Variants in SWT1 observed in about 807,000 individuals in gnomAD.
SWT1 encodes transcriptional protein SWT1.
SWT1 carries 33 observed loss-of-function variants against 107.3 expected under a neutral mutation model. The ratio of observed to expected loss-of-function variants is 0.31; its 90% CI spans 0.23 to 0.41. The LOEUF (loss-of-function observed/expected upper bound fraction) is 0.41, where lower values mean the gene tolerates loss of function less well. SWT1 is among the 10% of genes least tolerant of loss of function. SWT1 has a pLI of 1.00. For missense variants in SWT1, 898 were observed against 1,028.9 expected, an observed-to-expected ratio of 0.87 and a Z score of 1.74; for synonymous variants, 345 against 348.3, an observed-to-expected ratio of 0.99 and a Z score of 0.11.
intron 16 of SWT1, among the ~76,000 whole-genome samples, chr1:185,234,058 G>A (rs1280354587): frequency 6.6e-6 from 1 of 152,120 alleles, no homozygotes; most frequent in Non-Finnish European, 1.5e-5. Flanking sequence ...TTTAAAATAA[G>A]GGCAGTGTGG....
chr1:185,237,360 A>G (rs1405809140), intron 16 of SWT1, among the ~76,000 whole-genome samples: 1 of 152,234 alleles, frequency 6.6e-6, no homozygotes, highest in Non-Finnish European at 1.5e-5. Flanking sequence ...ACCATGGAAT[A>G]CTATACAGCC....
At chr1:185,259,282 A>C (rs576966377) in intron 16 of SWT1, among the ~76,000 whole-genome samples, 2 of 152,164 alleles carry the variant, frequency 1.3e-5, no homozygotes, top group Non-Finnish European at 2.9e-5. Context: ...GGAAAGAACT[A>C]TTTTGCTTTT....
At chr1:185,168,766 G>A (rs903918793) in intron 4 of SWT1, among the ~76,000 whole-genome samples, 1 of 152,154 alleles carries the variant, frequency 6.6e-6, no homozygotes, top group African/African-American at 2.4e-5. Context: ...CGTGAAGAGA[G>A]TATGTATCTT....
rs1422197407 is a variant in SWT1 at position 185,206,754 on chromosome 1, C to G, written c.1963C>G (p.Leu655Val). The G allele has an allele frequency of 6.3e-7, 1 of 1,595,570 alleles. No individual in the cohort carries two copies. Among genetic ancestry groups the G allele is most frequent in the Non-Finnish European group, 8.5e-7 (1 of 1,172,218 alleles). ...LLTIESLYKN[L>V]RKANKAVDFT... ...AACTATTGAGAGCCTATACAAAAAT[C>G]TCCGTAAAGGTATGAATCTTTTATT... The change falls in exon 13 of 19, where the codon CTC becomes GTC. Residue 655 changes from leucine (L) to valine (V), a missense_variant. Transcript: ENST00000367500.
chr1:185,272,904 C>T (rs1663976005), intron 17 of SWT1, among the ~76,000 whole-genome samples: 1 of 151,846 alleles, frequency 6.6e-6, no homozygotes, highest in Admixed American at 6.6e-5. Context: ...GGCATGGTGG[C>T]ATGCACCTGT....
chr1:185,171,085 A>G (rs979993089), intron 4 of SWT1, among the ~76,000 whole-genome samples: 1 of 152,020 alleles, frequency 6.6e-6, no homozygotes, highest in Non-Finnish European at 1.5e-5. Context: ...TACCTGCCCA[A>G]TGGTTGTCAG....
At chr1:185,182,474 C>T (rs562851231) in intron 7 of SWT1, among the ~76,000 whole-genome samples, 39 of 151,858 alleles carry the variant, frequency 2.6e-4, no homozygotes, top group African/African-American at 9.2e-4. Context: ...TCAAGACCAG[C>T]CTGGGCAGCA....
intron 17 of SWT1, 100 bp downstream of exon 17, chr1:185,271,489 T>C (rs951810706): frequency 6.3e-6 from 4 of 634,630 alleles, no homozygotes; most frequent in Admixed American, 5.9e-5. Flanking sequence ...GGAATGCTAT[T>C]TAATTGATAT....
At chr1:185,256,396 TCCC>T (rs1662523361) in intron 16 of SWT1, among the ~76,000 whole-genome samples, 1 of 150,298 alleles carries the variant, frequency 6.7e-6, no homozygotes, top group Non-Finnish European at 1.5e-5. Context: ...GGTTCCATTC[TCCC>T]CATCACTTTC....
intron 18 of SWT1, among the ~76,000 whole-genome samples, chr1:185,285,186 C>G (rs761952731): frequency 6.6e-6 from 1 of 152,138 alleles, no homozygotes; most frequent in African/African-American, 2.4e-5. Context: ...CATGAAGATG[C>G]AGAGAGGCAG....
intron 17 of SWT1, 121 bp downstream of exon 17, chr1:185,271,510 T>C: frequency 1.7e-6 from 1 of 593,616 alleles, no homozygotes; most frequent in South Asian, 2.1e-5. Flanking sequence ...TTGCTTTAAA[T>C]TATTGAATGC....
At chr1:185,222,796 C>T (rs962795604) in intron 15 of SWT1, among the ~76,000 whole-genome samples, 1 of 150,630 alleles carries the variant, frequency 6.6e-6, no homozygotes. Flanking sequence ...AATCAAAAGC[C>T]TCTCTTCTAG....
At chr1:185,207,272 A>G (rs1485451146) in intron 13 of SWT1, among the ~76,000 whole-genome samples, 1 of 152,220 alleles carries the variant, frequency 6.6e-6, no homozygotes, top group African/African-American at 2.4e-5. Flanking sequence ...GGAAGAGACC[A>G]CAGTGAACAA....
intron 15 of SWT1, among the ~76,000 whole-genome samples, chr1:185,229,081 G>A (rs1213625505): frequency 1.3e-5 from 2 of 152,150 alleles, no homozygotes; most frequent in Admixed American, 1.3e-4. Context: ...GAAATGACAA[G>A]ATCAGGCCTG....
chr1:185,166,677 A>T, intron 3 of SWT1, 25 bp downstream of exon 3: 2 of 1,394,724 alleles, frequency 1.4e-6, no homozygotes, highest in Non-Finnish European at 2.0e-6. Context: ...ATAACTAACT[A>T]AAAGTTATTT....
At chr1:185,239,635 G>C (rs1359424841) in intron 16 of SWT1, among the ~76,000 whole-genome samples, 1 of 151,826 alleles carries the variant, frequency 6.6e-6, no homozygotes, top group Non-Finnish European at 1.5e-5. Context: ...ATGTATACAG[G>C]ATTAATTTGA....
intron 3 of SWT1, among the ~76,000 whole-genome samples, chr1:185,168,111 T>C (rs1244666448): frequency 2.0e-5 from 3 of 152,190 alleles, no homozygotes; most frequent in Admixed American, 6.6e-5. Context: ...CAGACAGATC[T>C]ATTTACAGAT....
chr1:185,211,414 A>G (rs1255517045), intron 13 of SWT1, among the ~76,000 whole-genome samples: 1 of 152,164 alleles, frequency 6.6e-6, no homozygotes, highest in Non-Finnish European at 1.5e-5. Context: ...CCAAATATCT[A>G]TTTTTATAAG....
At chr1:185,236,077 G>A (rs12240005) in intron 16 of SWT1, among the ~76,000 whole-genome samples, 5,910 of 152,226 alleles carry the variant, frequency 0.039, 275 homozygotes, top group African/African-American at 0.095. Flanking sequence ...AACATTTCAT[G>A]CTCATGAGTA....
Sources: allele counts gnomAD v4.1 joint callset (sites outside exome capture counted in the v4.1 genomes callset), GRCh38; gene constraint gnomAD v4.1.1; transcripts MANE v1.5; gene names NCBI Gene and HGNC (gene_info 2026-07-23, HGNC 2026-07-21).